MRE11: variants seen among roughly 807,000 people sequenced by gnomAD.
MRE11 encodes double-strand break repair protein MRE11.
Under a neutral mutation model 91.7 loss-of-function variants are expected in MRE11, and 62 were observed. That is an observed-to-expected ratio of 0.68 (90% CI 0.55 to 0.84). The LOEUF is 0.84. Ranked by LOEUF, MRE11 falls within the 40% of genes least tolerant of loss-of-function variation. The probability of loss-of-function intolerance (pLI) is 0.00; values close to 1 mark genes in which losing one functional copy is unlikely to be tolerated. For synonymous variants in MRE11, 273 were observed against 271.4 expected, an observed-to-expected ratio of 1.01 and a Z score of -0.06; for missense variants, 796 against 852.9, an observed-to-expected ratio of 0.93 and a Z score of 0.83.
rs571187187 is a variant in MRE11 at position 94,476,824 on chromosome 11, G to A, written c.545-421C>T. ...CAACCTTCACCTCCTGGGTTCAAGG[G>A]ATTCTTGTGCCTCAGCCTCCTGAGT... On this transcript the variant is annotated intron_variant, in intron 6 of 19. Transcript: ENST00000323929. Among the ~76,000 whole-genome samples the A allele has an allele frequency of 9.2e-5, 14 of 152,150 alleles. No homozygotes were observed. The East Asian group carries it at 2.7e-3, about 29-fold the overall frequency.
At position 94,468,675 on chromosome 11, in the gene MRE11, G is replaced by A. The variant is rs150646906; in HGVS notation, c.1018-782C>T. Among the ~76,000 whole-genome samples the A allele has an allele frequency of 3.1e-4, 47 of 152,240 alleles. 1 individual carries two copies. Among genetic ancestry groups the A allele is most frequent in the African/African-American group, 8.7e-4 (36 of 41,550 alleles). On this transcript the variant is annotated intron_variant, in intron 9 of 19. Coordinates refer to ENST00000323929, the MANE Select transcript of MRE11 (RefSeq NM_005591.4). ...ACTTTATAATCTTGTCCTTTAAACT[G>A]TCTGTAACAATGAAGTCCAAAAGAG... is the stretch of plus-strand genomic sequence containing the variant.
At chr11:94,483,175 A>G (rs1459187048) in intron 4 of MRE11, among the ~76,000 whole-genome samples, 3 of 152,174 alleles carry the variant, frequency 2.0e-5, no homozygotes, top group Non-Finnish European at 2.9e-5. Context: ...TAAAAACTAA[A>G]TAAGAAATAA....
chr11:94,437,578 C>G (rs1945654606), intron 16 of MRE11, among the ~76,000 whole-genome samples: 1 of 152,108 alleles, frequency 6.6e-6, no homozygotes, highest in African/African-American at 2.4e-5. Context: ...CCTCCTAATC[C>G]CTTCTTTGTT....
At chr11:94,437,867 G>A (rs1430201307) in intron 16 of MRE11, among the ~76,000 whole-genome samples, 1 of 152,132 alleles carries the variant, frequency 6.6e-6, no homozygotes, top group Non-Finnish European at 1.5e-5. Flanking sequence ...GCTCACGCCT[G>A]TAATCCCAGT....
At chr11:94,461,117 G>T in intron 11 of MRE11, 81 bp from the exon 12 acceptor site, 1 of 1,239,802 alleles carries the variant, frequency 8.1e-7, no homozygotes, top group Non-Finnish European at 1.1e-6. Context: ...TGTCAGTGGA[G>T]AAGGTAAGGC....
At chr11:94,444,010 T>A (rs1436002269) in intron 16 of MRE11, among the ~76,000 whole-genome samples, 1 of 150,580 alleles carries the variant, frequency 6.6e-6, no homozygotes, top group Non-Finnish European at 1.5e-5. Flanking sequence ...TCGGTTCAAG[T>A]ATTCTCCTGC....
Position 94,460,919 on chromosome 11 carries a change from G to T in MRE11, c.1326+17C>A. On this transcript the variant is annotated intron_variant, in intron 12 of 19. Coordinates refer to ENST00000323929, the MANE Select transcript of MRE11 (RefSeq NM_005591.4). ...ATAAGGTAGCCATTATTCAAAATGT[G>T]AACTGTAAGAAATTACCTTCTCTGC... 1 of 1,589,964 alleles carries T rather than the reference G, an allele frequency of 6.3e-7. No homozygotes were observed. Among genetic ancestry groups the T allele is most frequent in the Non-Finnish European group, 8.6e-7 (1 of 1,158,866 alleles).
At chr11:94,430,754 C>T (rs1045727074) in intron 18 of MRE11, among the ~76,000 whole-genome samples, 1 of 152,150 alleles carries the variant, frequency 6.6e-6, no homozygotes, top group Non-Finnish European at 1.5e-5. Flanking sequence ...AGGCGTGAGC[C>T]ACCACGCCCA....
chr11:94,432,793 G>C (rs963896510), intron 18 of MRE11, among the ~76,000 whole-genome samples: 3 of 152,172 alleles, frequency 2.0e-5, no homozygotes, highest in African/African-American at 7.2e-5. Context: ...GAGACAGAGC[G>C]AGACTCCGTC....
intron 18 of MRE11, among the ~76,000 whole-genome samples, chr11:94,431,964 A>AG (rs1258363311): frequency 6.8e-6 from 1 of 147,128 alleles, no homozygotes; most frequent in Non-Finnish European, 1.5e-5. Flanking sequence ...CCATTTCTGG[A>AG]AAAAAAAAAA....
At position 94,464,402 on chromosome 11, in the gene MRE11, C is replaced by T. The variant is rs640627; in HGVS notation, c.1099-163G>A. 0.31 allele frequency among the ~76,000 whole-genome samples: 47,428 copies of T among 152,000 alleles called. 7,493 individuals are homozygous for T. Among genetic ancestry groups the T allele is most frequent in the Middle Eastern group, 0.38 (111 of 294 alleles). ...TGATGGAGCTATATCATTTATCCTA[C>T]TGAGAAACTAATGTTTGAAAAGTTT... On this transcript the variant is annotated intron_variant, in intron 10 of 19. Transcript: ENST00000323929.
At chr11:94,471,499 G>A (rs1036616258) in intron 8 of MRE11, 75 bp downstream of exon 8, 1 of 1,413,526 alleles carries the variant, frequency 7.1e-7, no homozygotes, top group South Asian at 1.2e-5. Context: ...CTTAACATAG[G>A]CCTTAAACCT....
chr11:94,456,306 A>AT lies in MRE11; in HGVS notation c.1532dup (p.Asn511LysfsTer3), dbSNP rs757691558. On this transcript the variant is annotated frameshift_variant, in exon 14 of 20. Coordinates refer to ENST00000323929, the MANE Select transcript of MRE11 (RefSeq NM_005591.4). LOFTEE classifies it high-confidence loss of function. ...GGACTTCATCATCTTCTTCATTAGT[A>AT]TTTTTTTGTCTGGTTTCTCTGAAAC... 4 of 1,613,620 alleles carry AT rather than the reference A, an allele frequency of 2.5e-6. No homozygotes were observed. Among genetic ancestry groups the AT allele is most frequent in the Admixed American group, 1.7e-5 (1 of 59,964 alleles).
intron 16 of MRE11, among the ~76,000 whole-genome samples, chr11:94,442,529 C>A (rs1331858173): frequency 6.6e-6 from 1 of 152,026 alleles, no homozygotes; most frequent in East Asian, 1.9e-4. Flanking sequence ...ACGATTTGGG[C>A]TAAGGTAAAG....
At chr11:94,501,929 T>C in the MRE11 span, among the ~76,000 whole-genome samples, 1 of 152,242 alleles carries the variant, frequency 6.6e-6, no homozygotes, top group Non-Finnish European at 1.5e-5. Context: ...AATCATATTG[T>C]TTTTTTAAAA....
chr11:94,453,083 T>C (rs1054143566), intron 14 of MRE11, among the ~76,000 whole-genome samples: 1 of 152,196 alleles, frequency 6.6e-6, no homozygotes, highest in African/African-American at 2.4e-5. Context: ...ATATAATATT[T>C]GTCCTTTTGC....
At chr11:94,471,520 T>G in intron 8 of MRE11, 54 bp downstream of exon 8, 1 of 1,546,112 alleles carries the variant, frequency 6.5e-7, no homozygotes, top group African/African-American at 1.4e-5. Context: ...ATGAGATGAT[T>G]AGTTATTATA....
In MRE11 at chr11:94,476,319, CA is replaced by C; in HGVS notation, c.628del (p.Trp210GlyfsTer6). 6.2e-7 allele frequency: 1 copy of C among 1,613,168 alleles called. No individual in the cohort carries two copies. The highest frequency in any genetic ancestry group is 1.1e-5 in the South Asian group (1 of 91,052). The stretch of plus-strand genomic sequence containing the variant: ...CTGATGAATCACAAATAAGTTAAAC[CA>C]AGAGTTCTCATCTTCCTTTGGTCTC... ...MLRPKEDENS[W>X]FNLFVIHQNR... On this transcript the variant is annotated frameshift_variant, in exon 7 of 20. Coordinates refer to ENST00000323929, the MANE Select transcript of MRE11 (RefSeq NM_005591.4). LOFTEE classifies it high-confidence loss of function.
chr11:94,447,372 C>A lies in MRE11; in HGVS notation c.1630G>T (p.Asp544Tyr), dbSNP rs1945965793. The A allele has an allele frequency of 6.2e-7, 1 of 1,614,164 alleles. No homozygotes were observed. The highest frequency in any genetic ancestry group is 1.1e-5 in the South Asian group (1 of 91,086). Reference sequence around the variant, plus strand: ...TCTGCTAAATCTATACTCATAAGGTCATCAGCACTAAAGGCAGAAGCAGAC... The same window carrying A: ...TCTGCTAAATCTATACTCATAAGGTAATCAGCACTAAAGGCAGAAGCAGAC... ...EESASAFSAD[D>Y]LMSIDLAEQM... Residue 544 changes from aspartate (D) to tyrosine (Y), a missense_variant, in exon 15 of 20, where the codon GAC becomes TAC. Asp to Tyr is a radical substitution (Grantham distance 160). Coordinates refer to ENST00000323929, the MANE Select transcript of MRE11 (RefSeq NM_005591.4).
Sources: gnomAD v4.1 joint callset for allele counts (sites outside exome capture counted in the v4.1 genomes callset) on GRCh38, gnomAD v4.1.1 for gene constraint, MANE v1.5 for transcripts, NCBI Gene and HGNC (gene_info 2026-07-23, HGNC 2026-07-21) for gene names.